DDAH1: variants seen among roughly 807,000 people sequenced by gnomAD.
DDAH1 encodes the protein N(G),N(G)-dimethylarginine dimethylaminohydrolase 1.
In DDAH1, 19 loss-of-function variants were observed where a neutral mutation model predicts 28.8. The observed-to-expected ratio is 0.66, with a 90% CI of 0.46 to 0.97. The LOEUF is 0.97. Ranked by LOEUF, DDAH1 falls within the 50% of genes least tolerant of loss-of-function variation. The pLI, the probability that DDAH1 is intolerant of heterozygous loss-of-function variation, is 0.00. For missense variants in DDAH1, 326 were observed against 375.9 expected, an observed-to-expected ratio of 0.87 and a Z score of 1.10; for synonymous variants, 153 against 154.4, an observed-to-expected ratio of 0.99 and a Z score of 0.07.
intron 5 of DDAH1, among the ~76,000 whole-genome samples, chr1:85,322,874 G>T (rs1314005182): frequency 3.3e-5 from 5 of 152,188 alleles, no homozygotes; most frequent in Non-Finnish European, 7.3e-5. Context: ...GCTAAAGAGG[G>T]ATGAATGATT....
intron 1 of DDAH1, among the ~76,000 whole-genome samples, chr1:85,435,952 G>A (rs561481878): frequency 1.1e-4 from 13 of 117,842 alleles, no homozygotes; most frequent in Non-Finnish European, 2.0e-4. Flanking sequence ...CACAATGCCC[G>A]GCTAATTTTG....
intron 4 of DDAH1, among the ~76,000 whole-genome samples, chr1:85,345,289 A>G (rs1288618605): frequency 6.6e-6 from 1 of 151,680 alleles, no homozygotes; most frequent in Admixed American, 6.6e-5. Context: ...CTGGAAGAGT[A>G]CAAACAGGTC....
intron 4 of DDAH1, among the ~76,000 whole-genome samples, chr1:85,330,761 A>G (rs1194048329): frequency 6.6e-6 from 1 of 152,212 alleles, no homozygotes; most frequent in Admixed American, 6.5e-5. Flanking sequence ...TGGGGATTAG[A>G]TCAATTGGTG....
chr1:85,478,561 A>C (rs578131008), intron 2 of DDAH1, among the ~76,000 whole-genome samples: 1 of 152,278 alleles, frequency 6.6e-6, no homozygotes, highest in Admixed American at 6.5e-5. Flanking sequence ...TCACTAACAG[A>C]ATAGGAAAAC....
chr1:85,528,802 C>T (rs2737814), intron 1 of DDAH1, among the ~76,000 whole-genome samples: 5 of 152,116 alleles, frequency 3.3e-5, no homozygotes, highest in Admixed American at 2.6e-4. Context: ...GGTGAAACCC[C>T]GTCTCTACTA....
At position 85,464,132 on chromosome 1, in the gene DDAH1, C is replaced by T. The variant is rs952003782; in HGVS notation, c.303+611G>A. Among the ~76,000 whole-genome samples the T allele has an allele frequency of 3.9e-5, 6 of 152,220 alleles. No homozygotes were observed. The highest frequency in any genetic ancestry group is 7.3e-5 in the Non-Finnish European group (5 of 68,028). On this transcript the variant is annotated intron_variant, in intron 1 of 5. Transcript: ENST00000284031. This position sits in a 1 kb window ranked among gnomAD's most constrained non-coding sequence, Gnocchi z 4.4. ...GCTTTTCAAACCTAGCCCATTCATG[C>T]ACACATTTAGCACAGCTCACCAACA...
chr1:85,473,060 A>G (rs1655673018), intron 2 of DDAH1, among the ~76,000 whole-genome samples: 1 of 152,174 alleles, frequency 6.6e-6, no homozygotes, highest in Admixed American at 6.5e-5. Flanking sequence ...TGATTGCATT[A>G]TTTTTATGGC....
chr1:85,517,652 G>A (rs1361419176), intron 1 of DDAH1, among the ~76,000 whole-genome samples: 3 of 152,062 alleles, frequency 2.0e-5, no homozygotes, highest in African/African-American at 7.2e-5. Flanking sequence ...AGGTTTTGAA[G>A]GCCAAGTAGA....
intron 1 of DDAH1, among the ~76,000 whole-genome samples, chr1:85,409,687 C>T (rs1008331778): frequency 3.9e-5 from 6 of 152,162 alleles, no homozygotes; most frequent in African/African-American, 9.7e-5. Flanking sequence ...TTCTTCTGTG[C>T]TCCCAAAGCA....
chr1:85,413,573 T>C (rs1412213181), intron 1 of DDAH1, among the ~76,000 whole-genome samples: 1 of 152,202 alleles, frequency 6.6e-6, no homozygotes, highest in African/African-American at 2.4e-5. Context: ...GATCCTGAGG[T>C]AGTTTATAAT....
rs186705982 is a variant in DDAH1 at position 85,462,708 on chromosome 1, C to T, written c.303+2035G>A. Among the ~76,000 whole-genome samples the T allele has an allele frequency of 3.6e-3, 550 of 152,326 alleles. 1 individual carries two copies. The highest frequency in any genetic ancestry group is 5.8e-3 in the South Asian group (28 of 4,830). ...GCATTGCCCTACATGACTCTGCCCT[C>T]CAGAAGCATCCCATCCAACACTGAC... On this transcript the variant is annotated intron_variant, in intron 1 of 5. Coordinates refer to ENST00000284031, the MANE Select transcript of DDAH1 (RefSeq NM_012137.4).
intron 1 of DDAH1, among the ~76,000 whole-genome samples, chr1:85,505,294 C>A (rs758870870): frequency 4.6e-5 from 7 of 151,948 alleles, no homozygotes; most frequent in Non-Finnish European, 1.0e-4. Context: ...CATAATTATT[C>A]TTATTATATG....
In DDAH1 at chr1:85,432,312, G is replaced by A. The variant is rs563837351; in HGVS notation, c.303+32431C>T. On this transcript the variant is annotated intron_variant, in intron 1 of 5. Transcript: ENST00000284031. ...GGCTAACAGGTACATGGTTAAGCAG[G>A]CCCTCAGCTAGCTAGTGATAAATCA... Among the ~76,000 whole-genome samples the A allele has an allele frequency of 6.6e-5, 10 of 152,226 alleles. No individual in the cohort carries two copies. The East Asian group carries it at 1.7e-3, about 26-fold the overall frequency.
At chr1:85,458,082 C>A (rs1408249978) in intron 1 of DDAH1, among the ~76,000 whole-genome samples, 1 of 152,204 alleles carries the variant, frequency 6.6e-6, no homozygotes, top group Admixed American at 6.5e-5. Flanking sequence ...TGATAACTTA[C>A]CCCTATAAGC....
chr1:85,431,399 GGGCACCTGACAAACACT>G (rs1653682277), intron 1 of DDAH1, among the ~76,000 whole-genome samples: 1 of 152,148 alleles, frequency 6.6e-6, no homozygotes, highest in African/African-American at 2.4e-5. Context: ...CAGTTGTGCA[GGGCACCTGACAAACACT>G]TCACCTTCTT....
intron 1 of DDAH1, among the ~76,000 whole-genome samples, chr1:85,404,748 T>C (rs1652325973): frequency 6.6e-6 from 1 of 152,192 alleles, no homozygotes; most frequent in African/African-American, 2.4e-5. Flanking sequence ...TGTCTTTCTC[T>C]CTCTCTCTCA....
chr1:85,561,073 T>C (rs1336886171), intron 1 of DDAH1, among the ~76,000 whole-genome samples: 1 of 152,112 alleles, frequency 6.6e-6, no homozygotes, highest in Non-Finnish European at 1.5e-5. Context: ...TCAGGGAGTG[T>C]ATCCTAGTGG....
intron 2 of DDAH1, among the ~76,000 whole-genome samples, chr1:85,476,103 C>T (rs1181024371): frequency 4.6e-5 from 7 of 152,216 alleles, no homozygotes; most frequent in Non-Finnish European, 8.8e-5. Context: ...CTCAAGTGAT[C>T]TGTCTGCCTC....
At chr1:85,428,045 C>T (rs7540393) in intron 1 of DDAH1, among the ~76,000 whole-genome samples, 41,411 of 152,040 alleles carry the variant, frequency 0.27, 5,767 homozygotes, top group Middle Eastern at 0.35. Context: ...TGGTGTTAAC[C>T]AGCTGAGTCA....
Sources: gnomAD v4.1 joint callset for allele counts (sites outside exome capture counted in the v4.1 genomes callset) on GRCh38, gnomAD v4.1.1 for gene constraint, Gnocchi (gnomAD v3.1) non-coding constraint, MANE v1.5 for transcripts, NCBI Gene and HGNC (gene_info 2026-07-23, HGNC 2026-07-21) for gene names.